The following IGF2BP2 variants were observed in gnomAD, a reference collection of about 807,000 sequenced individuals.
The protein encoded by IGF2BP2 is insulin like growth factor 2 mRNA binding protein 2, also known as insulin-like growth factor 2 mRNA-binding protein 2.
IGF2BP2 carries 17 observed loss-of-function variants against 75.8 expected under a neutral mutation model. That is an observed-to-expected ratio of 0.22 (90% CI 0.15 to 0.34). IGF2BP2 has a LOEUF of 0.34. Among genes scored for constraint, IGF2BP2 ranks in the 10% least tolerant of loss-of-function variants. The pLI is 1.00. For synonymous variants in IGF2BP2, 288 were observed against 295.6 expected, an observed-to-expected ratio of 0.97 and a Z score of 0.26; for missense variants, 516 against 772.4, an observed-to-expected ratio of 0.67 and a Z score of 3.93.
At chr3:185,710,550 T>A (rs1036895249) in intron 2 of IGF2BP2, among the ~76,000 whole-genome samples, 1 of 152,018 alleles carries the variant, frequency 6.6e-6, no homozygotes, top group Non-Finnish European at 1.5e-5. Context: ...CTGGCCAACA[T>A]GGTGAAACCC....
rs543086409 is a variant in IGF2BP2 at position 185,692,825 on chromosome 3, T to G, written c.341-63A>C. 4.5e-5 allele frequency: 65 copies of G among 1,438,350 alleles called. 1 individual carries two copies. In the South Asian group the frequency reaches 7.3e-4, roughly 16 times the overall value. The allele number at this position is 1,438,350 out of a possible 1,614,324, so 89.1% of individuals were successfully genotyped here. A position where few individuals can be genotyped will look rare whatever the true frequency, so the allele number is the denominator to read the frequency against. On this transcript the variant is annotated intron_variant, in intron 4 of 15. Transcript: ENST00000382199. The stretch of plus-strand genomic sequence containing the variant: ...AGTGCTGTCACCCTCTGGCTTAATG[T>G]AAACAGACAAACTTTAGAGAAAAAT...
intron 2 of IGF2BP2, among the ~76,000 whole-genome samples, chr3:185,706,865 C>T (rs572054072): frequency 3.3e-5 from 5 of 151,370 alleles, no homozygotes; most frequent in Admixed American, 1.3e-4. Context: ...CTCAGCCTCC[C>T]GAGTAGCTGG....
chr3:185,821,934 C>A (rs1741431104), intron 2 of IGF2BP2, among the ~76,000 whole-genome samples: 1 of 151,924 alleles, frequency 6.6e-6, no homozygotes, highest in African/African-American at 2.4e-5. Context: ...TTACATCTTT[C>A]CCAATAGAGG....
At chr3:185,734,973 C>T (rs1415220608) in intron 2 of IGF2BP2, among the ~76,000 whole-genome samples, 3 of 152,058 alleles carry the variant, frequency 2.0e-5, no homozygotes, top group Non-Finnish European at 2.9e-5. Context: ...GCGAAGACAG[C>T]GTTGTAACAT....
chr3:185,643,260 G>A lies in IGF2BP2; in HGVS notation c.*2271C>T, dbSNP rs1712954785. Among the ~76,000 whole-genome samples, 1 of 152,138 alleles carries A rather than the reference G, an allele frequency of 6.6e-6. No individual in the cohort carries two copies. The highest frequency in any genetic ancestry group is 6.5e-5 in the Admixed American group (1 of 15,270). The stretch of plus-strand genomic sequence containing the variant: ...GTGGAGGCGTGAAGTGCCTCTTCCC[G>A]GAACTGCCGGGCATATTATCCTCCC... On this transcript the variant is annotated 3_prime_UTR_variant, in exon 16 of 16. Coordinates refer to ENST00000382199, the MANE Select transcript of IGF2BP2 (RefSeq NM_006548.6).
intron 2 of IGF2BP2, among the ~76,000 whole-genome samples, chr3:185,806,962 G>A (rs912286247): frequency 2.0e-5 from 3 of 152,082 alleles, no homozygotes; most frequent in African/African-American, 7.2e-5. Context: ...GCATTTCTTA[G>A]AAAACCAATG....
chr3:185,702,754 A>G (rs1027044056), intron 2 of IGF2BP2, among the ~76,000 whole-genome samples: 1 of 151,946 alleles, frequency 6.6e-6, no homozygotes, highest in African/African-American at 2.4e-5. Flanking sequence ...CCCCATCTCT[A>G]TCTTTAAACA....
chr3:185,806,108 G>A (rs1738990457), intron 2 of IGF2BP2, among the ~76,000 whole-genome samples: 1 of 152,122 alleles, frequency 6.6e-6, no homozygotes, highest in African/African-American at 2.4e-5. Flanking sequence ...CCGGCCAAAT[G>A]TGAAGTAAAT....
intron 2 of IGF2BP2, among the ~76,000 whole-genome samples, chr3:185,820,269 C>G (rs1741202122): frequency 6.8e-6 from 1 of 145,986 alleles, no homozygotes; most frequent in South Asian, 2.2e-4. Flanking sequence ...CACACACACA[C>G]ACACATAATT....
chr3:185,659,396 C>T (rs1344883850), intron 10 of IGF2BP2, among the ~76,000 whole-genome samples: 3 of 152,236 alleles, frequency 2.0e-5, no homozygotes, highest in African/African-American at 4.8e-5. Context: ...ATTTTTGAGA[C>T]GGCATTTCAC....
chr3:185,751,299 C>T (rs554996574), intron 2 of IGF2BP2, among the ~76,000 whole-genome samples: 21 of 150,922 alleles, frequency 1.4e-4, no homozygotes, highest in Non-Finnish European at 3.0e-4. Context: ...ATGAAGGGGT[C>T]GGGTGTGGTG....
At chr3:185,817,039 A>G (rs934139788) in intron 2 of IGF2BP2, among the ~76,000 whole-genome samples, 1 of 152,246 alleles carries the variant, frequency 6.6e-6, no homozygotes, top group African/African-American at 2.4e-5. Flanking sequence ...TTATTTTGAT[A>G]TGGGTAAATA....
intron 11 of IGF2BP2, 64 bp downstream of exon 11, chr3:185,658,277 A>G: frequency 6.9e-7 from 1 of 1,456,028 alleles, no homozygotes; most frequent in Non-Finnish European, 9.6e-7. Context: ...ACTGGCCACC[A>G]AGGGCCAAGT....
chr3:185,655,886 C>A (rs1050438316), intron 12 of IGF2BP2, among the ~76,000 whole-genome samples: 11 of 152,220 alleles, frequency 7.2e-5, no homozygotes, highest in Admixed American at 7.2e-4. Flanking sequence ...CCCAGCTCCT[C>A]ATGGGCAATA....
chr3:185,732,834 G>A (rs1407953101), intron 2 of IGF2BP2, among the ~76,000 whole-genome samples: 1 of 152,212 alleles, frequency 6.6e-6, no homozygotes, highest in Non-Finnish European at 1.5e-5. Flanking sequence ...AAAGGATGTT[G>A]AGTTAGATAA....
intron 2 of IGF2BP2, among the ~76,000 whole-genome samples, chr3:185,714,936 A>T (rs913016071): frequency 6.6e-5 from 10 of 152,272 alleles, no homozygotes; most frequent in Non-Finnish European, 1.5e-4. Context: ...AGCATTTACT[A>T]TGTTAGATAC....
In IGF2BP2 at chr3:185,823,137, A is replaced by T; in HGVS notation, c.239+16T>A. 1 of 1,568,758 alleles carries T rather than the reference A, an allele frequency of 6.4e-7. No individual in the cohort carries two copies. The stretch of plus-strand genomic sequence containing the variant: ...AAGGCCAATCGCAAAAAAAAAACTA[A>T]GCAAAGTATATTTACCTTAGCTTTT... On this transcript the variant is annotated intron_variant, in intron 2 of 15. Coordinates refer to ENST00000382199, the MANE Select transcript of IGF2BP2 (RefSeq NM_006548.6).
intron 2 of IGF2BP2, among the ~76,000 whole-genome samples, chr3:185,764,528 G>T (rs1055258307): frequency 1.6e-4 from 25 of 152,200 alleles, no homozygotes; most frequent in African/African-American, 6.0e-4. Flanking sequence ...GCCCTTGATG[G>T]AGGTGAAGAG....
Position 185,793,957 on chromosome 3 carries a change from C to CTT in IGF2BP2, c.239+29194_239+29195dup, listed in dbSNP as rs576340143. On this transcript the variant is annotated intron_variant, in intron 2 of 15. Coordinates refer to ENST00000382199, the MANE Select transcript of IGF2BP2 (RefSeq NM_006548.6). ...GATAAGGAATGGTCAAAGCAGATTC[C>CTT]TTTTTTTTTTTTTTTTTTTGAGACG... Among the ~76,000 whole-genome samples, 92 of 125,496 alleles carry CTT rather than the reference C, an allele frequency of 7.3e-4. 1 individual carries two copies. The highest frequency in any genetic ancestry group is 8.9e-4 in the Admixed American group (11 of 12,292). 82.3% of individuals were successfully genotyped at this position (125,496 alleles called of 152,430 possible).
Sources: allele counts gnomAD v4.1 joint callset (sites outside exome capture counted in the v4.1 genomes callset), GRCh38; gene constraint gnomAD v4.1.1; transcripts MANE v1.5; gene names NCBI Gene and HGNC (gene_info 2026-07-23, HGNC 2026-07-21).